The following RNGTT variants were observed in gnomAD, a reference collection of about 807,000 sequenced individuals.
RNGTT encodes mRNA-capping enzyme.
In RNGTT, 33 loss-of-function variants were observed where a neutral mutation model predicts 79.3. That is an observed-to-expected ratio of 0.42 (90% CI 0.32 to 0.56). The LOEUF (loss-of-function observed/expected upper bound fraction) is 0.56. Ranked by LOEUF, RNGTT falls within the 20% of genes least tolerant of loss-of-function variation. The pLI is 0.17. For synonymous variants in RNGTT, 222 were observed against 235.9 expected (o/e 0.94, Z 0.54); for missense variants, 497 against 739.1 (o/e 0.67, Z 3.80).
intron 11 of RNGTT, among the ~76,000 whole-genome samples, chr6:88,813,489 A>C (rs1410933321): frequency 2.6e-5 from 4 of 152,204 alleles, no homozygotes; most frequent in Non-Finnish European, 5.9e-5. Context: ...TGCAATAAAA[A>C]GCTTTTATTT....
At chr6:88,845,264 C>G (rs1781447694) in intron 10 of RNGTT, among the ~76,000 whole-genome samples, 1 of 152,104 alleles carries the variant, frequency 6.6e-6, no homozygotes, top group South Asian at 2.1e-4. Flanking sequence ...GAAGCTAACA[C>G]AGAAGTTTAC....
rs548507341 is a variant in RNGTT, at chr6:88,918,782, A to G, written c.367+10203T>C. ...TTGTATTCATGTATCTTAACCCAAC[A>G]TGTAAATTTCCTTACTATCTTCTAT... On this transcript the variant is annotated intron_variant, in intron 4 of 15. Coordinates refer to ENST00000369485, the MANE Select transcript of RNGTT (RefSeq NM_003800.5). Among the ~76,000 whole-genome samples the G allele has an allele frequency of 2.6e-5, 4 of 152,332 alleles. No individual in the cohort carries two copies. In the East Asian group the frequency reaches 7.7e-4, roughly 29 times the overall value.
intron 12 of RNGTT, among the ~76,000 whole-genome samples, chr6:88,778,831 T>C (rs1778973441): frequency 6.6e-6 from 1 of 152,176 alleles, no homozygotes; most frequent in Non-Finnish European, 1.5e-5. Context: ...AAGAAAATAA[T>C]GCACATTATT....
At chr6:88,619,160 A>G (rs1297340965) in intron 14 of RNGTT, among the ~76,000 whole-genome samples, 1 of 151,078 alleles carries the variant, frequency 6.6e-6, no homozygotes, top group Non-Finnish European at 1.5e-5. Context: ...GCTCCCTACC[A>G]CAGATTTTTC....
intron 1 of RNGTT, among the ~76,000 whole-genome samples, chr6:88,942,591 G>C (rs879484064): frequency 4.6e-5 from 7 of 151,830 alleles, no homozygotes; most frequent in Admixed American, 3.9e-4. Context: ...GGCTGGTCTC[G>C]AATTCCTAAG....
chr6:88,706,256 ACT>A lies in RNGTT; in HGVS notation c.1440-27839_1440-27838del, dbSNP rs60474361. On this transcript the variant is annotated intron_variant, in intron 13 of 15. Transcript: ENST00000369485. ...GCTTTTTTTTGGTAGAAAAGAAATAACTCTGTATTTGGTGGTAAAATGAGGTA... is the reference window on the plus strand; with the variant it reads ...GCTTTTTTTTGGTAGAAAAGAAATAACTGTATTTGGTGGTAAAATGAGGTA... Among the ~76,000 whole-genome samples the A allele has an allele frequency of 2.0e-3, 307 of 152,146 alleles. 2 individuals are homozygous for A. The highest frequency in any genetic ancestry group is 7.2e-3 in the African/African-American group (299 of 41,486).
intron 13 of RNGTT, among the ~76,000 whole-genome samples, chr6:88,733,663 T>G (rs1361660004): frequency 2.6e-5 from 4 of 151,248 alleles, no homozygotes; most frequent in Non-Finnish European, 5.9e-5. Context: ...ATATTTAAAC[T>G]ACAAAAAATC....
chr6:88,754,647 T>C (rs894217696), intron 13 of RNGTT, among the ~76,000 whole-genome samples: 4 of 152,214 alleles, frequency 2.6e-5, no homozygotes, highest in South Asian at 2.1e-4. Context: ...TGTGACATGT[T>C]CGTGATGGCC....
intron 12 of RNGTT, among the ~76,000 whole-genome samples, chr6:88,791,307 T>G (rs1432714845): frequency 2.6e-5 from 4 of 151,890 alleles, no homozygotes; most frequent in Non-Finnish European, 5.9e-5. Flanking sequence ...CTGGCTAATT[T>G]TTTTCATTCT....
At position 88,962,790 on chromosome 6, in the gene RNGTT, G is replaced by A. The variant is rs142297363; in HGVS notation, c.64+556C>T. Among the ~76,000 whole-genome samples the A allele has an allele frequency of 5.4e-3, 819 of 152,122 alleles. 10 individuals carry two copies. Among genetic ancestry groups the A allele is most frequent in the African/African-American group, 0.019 (797 of 41,516 alleles). ...TTTAATAAATAAAAAAATTAGCCGGGTGCGGTGGCAGGAGCATGTAGTCCC... is the reference window on the plus strand; with the variant it reads ...TTTAATAAATAAAAAAATTAGCCGGATGCGGTGGCAGGAGCATGTAGTCCC... On this transcript the variant is annotated intron_variant, in intron 1 of 15. Coordinates refer to ENST00000369485, the MANE Select transcript of RNGTT (RefSeq NM_003800.5).
At chr6:88,954,957 C>T (rs923967051) in intron 1 of RNGTT, among the ~76,000 whole-genome samples, 5 of 151,962 alleles carry the variant, frequency 3.3e-5, no homozygotes, top group African/African-American at 4.8e-5. Context: ...ACTAGGGAGG[C>T]TGAGGCAGGA....
At chr6:88,877,464 A>C (rs988364667) in intron 8 of RNGTT, among the ~76,000 whole-genome samples, 4 of 152,158 alleles carry the variant, frequency 2.6e-5, no homozygotes, top group Non-Finnish European at 5.9e-5. Flanking sequence ...TTTTCTCAGA[A>C]CCAATCCAGG....
intron 10 of RNGTT, among the ~76,000 whole-genome samples, chr6:88,847,678 T>C (rs1414035516): frequency 6.6e-6 from 1 of 151,982 alleles, no homozygotes; most frequent in African/African-American, 2.4e-5. Context: ...ACAAAAAGCA[T>C]AACAATCATT....
intron 13 of RNGTT, among the ~76,000 whole-genome samples, chr6:88,744,215 G>T (rs1777585229): frequency 1.3e-5 from 2 of 151,868 alleles, no homozygotes; most frequent in Admixed American, 6.6e-5. Context: ...AAAATAGTTG[G>T]TAAGAATAGG....
intron 6 of RNGTT, among the ~76,000 whole-genome samples, chr6:88,900,051 G>A (rs1198359521): frequency 6.6e-6 from 1 of 150,854 alleles, no homozygotes; most frequent in Admixed American, 6.6e-5. Flanking sequence ...TCTAAAGAAA[G>A]ATAACATGAC....
intron 11 of RNGTT, among the ~76,000 whole-genome samples, chr6:88,836,412 C>T (rs1246246009): frequency 6.6e-6 from 1 of 151,708 alleles, no homozygotes; most frequent in Non-Finnish European, 1.5e-5. Flanking sequence ...AAAAATAAAC[C>T]AAAACCGCAA....
chr6:88,824,365 A>T (rs1369434768), intron 11 of RNGTT, among the ~76,000 whole-genome samples: 1 of 152,210 alleles, frequency 6.6e-6, no homozygotes, highest in East Asian at 1.9e-4. Context: ...TGTATAAAAG[A>T]TAAAAAATGG....
At chr6:88,825,357 A>G (rs758854773) in intron 11 of RNGTT, among the ~76,000 whole-genome samples, 7 of 152,232 alleles carry the variant, frequency 4.6e-5, no homozygotes, top group Non-Finnish European at 1.0e-4. Flanking sequence ...GGTACACAGT[A>G]GCACAAACTT....
intron 14 of RNGTT, among the ~76,000 whole-genome samples, chr6:88,668,216 C>G (rs1480658698): frequency 1.3e-5 from 2 of 152,146 alleles, no homozygotes; most frequent in African/African-American, 4.8e-5. Context: ...GACCATCATC[C>G]TGACCACTCC....
Sources: gnomAD v4.1 joint callset for allele counts (sites outside exome capture counted in the v4.1 genomes callset) on GRCh38, gnomAD v4.1.1 for gene constraint, MANE v1.5 for transcripts, NCBI Gene and HGNC (gene_info 2026-07-23, HGNC 2026-07-21) for gene names.